The following ITPR1 variants were observed in gnomAD, a reference collection of about 807,000 sequenced individuals.
ITPR1 encodes inositol 1,4,5-trisphosphate-gated calcium channel ITPR1.
A neutral mutation model predicts 318.4 loss-of-function variants in ITPR1; 96 were observed. That is an observed-to-expected ratio of 0.30 (90% confidence interval 0.26 to 0.36). The LOEUF (loss-of-function observed/expected upper bound fraction) is 0.36. Among genes scored for constraint, ITPR1 ranks in the 10% least tolerant of loss-of-function variants. ITPR1 has a pLI of 1.00. For missense variants in ITPR1, 2,440 were observed against 3,460.2 expected (o/e 0.71, Z 7.40); for synonymous variants, 1,312 against 1,289.9 (o/e 1.02, Z -0.37).
chr3:4,772,927 C>T (rs902971647), intron 46 of ITPR1, among the ~76,000 whole-genome samples: 8 of 152,238 alleles, frequency 5.3e-5, no homozygotes, highest in East Asian at 1.9e-4. Context: ...GTTTGAAACA[C>T]GTGGGCCCAG....
At chr3:4,715,305 A>G (rs777517030) in intron 39 of ITPR1, among the ~76,000 whole-genome samples, 17 of 152,246 alleles carry the variant, frequency 1.1e-4, no homozygotes, top group Non-Finnish European at 2.5e-4. Flanking sequence ...GATTATGTAA[A>G]CAATAGTGGG....
chr3:4,696,673 G>GTTTTTT (rs10546052), intron 33 of ITPR1, among the ~76,000 whole-genome samples: 4 of 117,214 alleles, frequency 3.4e-5, no homozygotes, highest in Admixed American at 1.8e-4. Flanking sequence ...CTTGCCGTGT[G>GTTTTTT]TTTTTTTTTT....
chr3:4,784,211 T>TG (rs1327274865), intron 51 of ITPR1, among the ~76,000 whole-genome samples: 1 of 151,962 alleles, frequency 6.6e-6, no homozygotes, highest in Non-Finnish European at 1.5e-5. Context: ...CTGTAGATCG[T>TG]GGTGGTCACA....
chr3:4,536,169 C>T (rs1447989599), intron 4 of ITPR1, among the ~76,000 whole-genome samples: 18 of 152,140 alleles, frequency 1.2e-4, no homozygotes, highest in Non-Finnish European at 7.4e-5. Context: ...GGAGTTCAGT[C>T]GTTTGCCAGG....
intron 44 of ITPR1, among the ~76,000 whole-genome samples, chr3:4,754,255 C>T (rs2044782559): frequency 6.6e-6 from 1 of 152,136 alleles, no homozygotes; most frequent in Admixed American, 6.5e-5. Context: ...CCTCGCTCTC[C>T]ACGATGCAGA....
intron 44 of ITPR1, among the ~76,000 whole-genome samples, chr3:4,761,348 G>C (rs1241236501): frequency 6.6e-6 from 1 of 152,162 alleles, no homozygotes; most frequent in East Asian, 1.9e-4. Flanking sequence ...ACTGACAAGT[G>C]AGAAAATGTA....
chr3:4,688,664 CA>C, intron 31 of ITPR1, 44 bp downstream of exon 31: 1 of 1,584,760 alleles, frequency 6.3e-7, no homozygotes. Context: ...GGGAGGAGGG[CA>C]GGGAAGAGGG....
At chr3:4,800,932 A>G (rs973821826) in intron 54 of ITPR1, among the ~76,000 whole-genome samples, 5 of 152,206 alleles carry the variant, frequency 3.3e-5, no homozygotes, top group African/African-American at 1.2e-4. Flanking sequence ...GGGACAGAAG[A>G]TTTTAGACAA....
At chr3:4,689,450 C>T (rs924924920) in intron 31 of ITPR1, among the ~76,000 whole-genome samples, 2 of 152,212 alleles carry the variant, frequency 1.3e-5, no homozygotes, top group African/African-American at 4.8e-5. Context: ...TTTTGAGTGC[C>T]AGTGTGATGC....
intron 5 of ITPR1, 32 bp downstream of exon 5, chr3:4,627,910 A>G: frequency 7.4e-7 from 1 of 1,359,246 alleles, no homozygotes; most frequent in Non-Finnish European, 1.0e-6. Flanking sequence ...TCGATGGGGC[A>G]GTAGTGAGTG....
intron 4 of ITPR1, among the ~76,000 whole-genome samples, chr3:4,543,225 G>A (rs1238132705): frequency 6.6e-6 from 1 of 151,282 alleles, no homozygotes; most frequent in African/African-American, 2.4e-5. Context: ...TTGTGTCACT[G>A]CACTGCAGCC....
rs1440272452 is a variant in ITPR1, at chr3:4,683,839, G to A, written c.3498+41G>A. On this transcript the variant is annotated intron_variant, in intron 28 of 61. Transcript: ENST00000649015. Reference sequence around the variant, plus strand: ...GTTATGCTGCCAAAGTGGATGGATGGGCTTCTCGAAACTAGGGAGCATCCT... The same window carrying A: ...GTTATGCTGCCAAAGTGGATGGATGAGCTTCTCGAAACTAGGGAGCATCCT... 3 of 1,577,126 alleles carry A rather than the reference G, an allele frequency of 1.9e-6. No homozygotes were observed. In the African/African-American group the frequency reaches 4.1e-5, roughly 21 times the overall value.
At chr3:4,700,899 T>G (rs1453060201) in intron 35 of ITPR1, among the ~76,000 whole-genome samples, 1 of 152,118 alleles carries the variant, frequency 6.6e-6, no homozygotes, top group Non-Finnish European at 1.5e-5. Flanking sequence ...AACTCCCCTT[T>G]ATAAAACCAT....
intron 37 of ITPR1, 44 bp downstream of exon 37, chr3:4,706,395 C>A (rs371741307): frequency 2.0e-6 from 3 of 1,529,684 alleles, no homozygotes; most frequent in Non-Finnish European, 2.7e-6. Flanking sequence ...CCTGGCCTCA[C>A]GTGATTGCCA....
intron 55 of ITPR1, among the ~76,000 whole-genome samples, chr3:4,810,958 T>G (rs1334900598): frequency 1.3e-5 from 2 of 152,242 alleles, no homozygotes; most frequent in Admixed American, 1.3e-4. Flanking sequence ...ATCACTTTCC[T>G]CTCCCTTTGT....
chr3:4,747,503 T>A (rs188418337), intron 44 of ITPR1, among the ~76,000 whole-genome samples: 44 of 152,362 alleles, frequency 2.9e-4, no homozygotes, highest in African/African-American at 1.0e-3. Context: ...TTGGAAGTTG[T>A]GCCTCCACAT....
In ITPR1 at chr3:4,627,743, T is replaced by C. The variant is rs1312105436; in HGVS notation, c.164-20T>C. On this transcript the variant is annotated intron_variant, in intron 4 of 61. Coordinates refer to ENST00000649015, the MANE Select transcript of ITPR1 (RefSeq NM_001378452.1). ...TATACACCCTCAATGGCAATTTCTG[T>C]TTGTTTGCTTCACTTCTAGACTGCC... 2.6e-6 allele frequency: 4 copies of C among 1,525,470 alleles called. No homozygotes were observed. The highest frequency in any genetic ancestry group is 1.7e-4 in the Middle Eastern group (1 of 5,914). The allele number at this position is 1,525,470 out of a possible 1,614,324, so 94.5% of individuals were successfully genotyped here.
rs2046544685 is a variant in ITPR1, at chr3:4,777,362, G to A, written c.6279G>A (p.Val2093=). 3.8e-6 allele frequency: 6 copies of A among 1,589,508 alleles called. No individual in the cohort carries two copies. Among genetic ancestry groups the A allele is most frequent in the Non-Finnish European group, 5.2e-6 (6 of 1,163,778 alleles). The change falls in exon 48 of 62, where the codon GTG becomes GTA. Residue 2093 remains valine (V), a synonymous_variant. Coordinates refer to ENST00000649015, the MANE Select transcript of ITPR1 (RefSeq NM_001378452.1). ...NPLGKKRMDL[V]LELKNNASKL... is the part of the protein sequence containing the mutation. ...TGGGAAAGAAGAGGATGGACCTTGTGTTAGAACTGAAGGCAAGTAGGAATT... is the reference window on the plus strand; with the variant it reads ...TGGGAAAGAAGAGGATGGACCTTGTATTAGAACTGAAGGCAAGTAGGAATT...
At chr3:4,750,476 C>A (rs2044418951) in intron 44 of ITPR1, 1 of 152,124 alleles carries the variant, frequency 6.6e-6, no homozygotes, top group Admixed American at 6.5e-5. Context: ...TATATAACTT[C>A]TATTTATATC....
Sources: allele counts gnomAD v4.1 joint callset (sites outside exome capture counted in the v4.1 genomes callset), GRCh38; gene constraint gnomAD v4.1.1; transcripts MANE v1.5; gene names NCBI Gene and HGNC (gene_info 2026-07-23, HGNC 2026-07-21).